Variants in ROBO1 observed in about 807,000 individuals in gnomAD.
The protein encoded by ROBO1 is roundabout guidance receptor 1, also known as roundabout homolog 1.
ROBO1 carries 149 observed loss-of-function variants against 195.9 expected under a neutral mutation model. That is an observed-to-expected ratio of 0.76 (90% CI 0.67 to 0.87). The LOEUF (loss-of-function observed/expected upper bound fraction) is 0.87. Ranked by LOEUF, ROBO1 falls within the 40% of genes least tolerant of loss-of-function variation. ROBO1 has a pLI of 0.00. For synonymous variants in ROBO1, 816 were observed against 733.2 expected (o/e 1.11, Z -1.82); for missense variants, 1,933 against 2,068.3 (o/e 0.93, Z 1.27).
At chr3:79,208,871 C>T (rs1159746865) in intron 2 of ROBO1, among the ~76,000 whole-genome samples, 8 of 151,910 alleles carry the variant, frequency 5.3e-5, no homozygotes, top group Non-Finnish European at 1.0e-4. Context: ...TTCTGCCATA[C>T]TCGGAGGGCA....
At chr3:79,517,518 T>G (rs1941002895) in intron 2 of ROBO1, among the ~76,000 whole-genome samples, 1 of 152,212 alleles carries the variant, frequency 6.6e-6, no homozygotes, top group Non-Finnish European at 1.5e-5. Context: ...TCTTGATTCT[T>G]TTCTTATTTT....
At chr3:79,711,107 C>T (rs1416513731) in intron 1 of ROBO1, among the ~76,000 whole-genome samples, 8 of 152,042 alleles carry the variant, frequency 5.3e-5, no homozygotes, top group Non-Finnish European at 1.2e-4. Context: ...GTTTTATTTA[C>T]TTTAGATAAA....
intron 2 of ROBO1, among the ~76,000 whole-genome samples, chr3:79,327,708 T>C (rs538384986): frequency 6.6e-6 from 1 of 151,792 alleles, no homozygotes; most frequent in African/African-American, 2.4e-5. Context: ...CATTTCACAG[T>C]AAAATGGTAA....
At chr3:79,273,961 T>A (rs373284565) in intron 2 of ROBO1, among the ~76,000 whole-genome samples, 2 of 151,974 alleles carry the variant, frequency 1.3e-5, no homozygotes, top group East Asian at 3.9e-4. Flanking sequence ...AGCAAGAGGA[T>A]ACAACAATTT....
At chr3:79,345,078 GA>G (rs2035059876) in intron 2 of ROBO1, among the ~76,000 whole-genome samples, 1 of 151,994 alleles carries the variant, frequency 6.6e-6, no homozygotes, top group Admixed American at 6.6e-5. Context: ...ATAGCAGTGT[GA>G]AAACGGACTA....
intron 3 of ROBO1, among the ~76,000 whole-genome samples, chr3:79,078,270 A>C (rs1022327991): frequency 1.3e-5 from 2 of 151,828 alleles, no homozygotes; most frequent in Non-Finnish European, 1.5e-5. Flanking sequence ...GAATGGGATT[A>C]AATAATTGAG....
chr3:78,860,184 T>C (rs1290249549), intron 4 of ROBO1, among the ~76,000 whole-genome samples: 7 of 147,706 alleles, frequency 4.7e-5, no homozygotes, highest in Non-Finnish European at 1.0e-4. Flanking sequence ...GATAGATAGA[T>C]GATAGATTGC....
chr3:78,801,199 G>T (rs2084359743), intron 4 of ROBO1, among the ~76,000 whole-genome samples: 1 of 152,112 alleles, frequency 6.6e-6, no homozygotes. Context: ...GTCATAAAAG[G>T]TCATTGATGT....
At chr3:78,810,168 A>G (rs928778881) in intron 4 of ROBO1, among the ~76,000 whole-genome samples, 1 of 152,194 alleles carries the variant, frequency 6.6e-6, no homozygotes, top group Non-Finnish European at 1.5e-5. Flanking sequence ...AAAGCATTCC[A>G]AGCGCCAGCT....
At chr3:79,298,215 A>C (rs2032699072) in intron 2 of ROBO1, among the ~76,000 whole-genome samples, 1 of 152,190 alleles carries the variant, frequency 6.6e-6, no homozygotes, top group Non-Finnish European at 1.5e-5. Context: ...CAGATTATGA[A>C]GAGCAATCTA....
intron 25 of ROBO1, among the ~76,000 whole-genome samples, chr3:78,627,861 A>G (rs570498713): frequency 2.6e-5 from 4 of 152,208 alleles, no homozygotes; most frequent in Admixed American, 6.5e-5. Context: ...TGTATTTGGT[A>G]TATTTTGTCC....
intron 3 of ROBO1, among the ~76,000 whole-genome samples, chr3:78,955,050 TGGGGTTATATAGGTAAACTGTGTGTCATG>T (rs2040973103): frequency 1.3e-5 from 2 of 151,212 alleles, no homozygotes; most frequent in African/African-American, 2.4e-5. Context: ...CTGTGTTCCA[TGGGGTTATATAGGTAAACTGTGTGTCATG>T]GGGGTTATAC....
intron 2 of ROBO1, among the ~76,000 whole-genome samples, chr3:79,560,141 A>AT (rs1025423324): frequency 2.0e-5 from 3 of 152,000 alleles, no homozygotes; most frequent in African/African-American, 7.2e-5. Flanking sequence ...GAGAGAATGA[A>AT]TGTCAGGACC....
intron 2 of ROBO1, among the ~76,000 whole-genome samples, chr3:79,236,733 T>C (rs2082412939): frequency 6.6e-6 from 1 of 152,204 alleles, no homozygotes; most frequent in East Asian, 1.9e-4. Context: ...TTAATCATTG[T>C]TTTTAGTAAC....
intron 2 of ROBO1, among the ~76,000 whole-genome samples, chr3:79,193,920 G>A (rs2081586546): frequency 6.6e-6 from 1 of 151,514 alleles, no homozygotes; most frequent in African/African-American, 2.4e-5. Context: ...AGAAAAAGAG[G>A]TCAAATGTGT....
At chr3:79,739,397 C>T (rs1317055943) in intron 1 of ROBO1, among the ~76,000 whole-genome samples, 1 of 152,156 alleles carries the variant, frequency 6.6e-6, no homozygotes, top group South Asian at 2.1e-4. Context: ...GGAGCTAAAC[C>T]TTTGTATACT....
At position 79,675,285 on chromosome 3, in the gene ROBO1, A is replaced by T. The variant is rs760867696; in HGVS notation, c.-50-85324T>A. Among the ~76,000 whole-genome samples, 71 of 151,958 alleles carry T rather than the reference A, an allele frequency of 4.7e-4. 2 individuals are homozygous for T. Among genetic ancestry groups the T allele is most frequent in the Non-Finnish European group, 9.4e-4 (64 of 67,982 alleles). On this transcript the variant is annotated intron_variant, in intron 1 of 30. Transcript: ENST00000464233. ...TGCTTTGAAATTTTATATACTTATGATTGCATTAGTTTAGTGTTAAATATT... is the reference window on the plus strand; with the variant it reads ...TGCTTTGAAATTTTATATACTTATGTTTGCATTAGTTTAGTGTTAAATATT...
intron 2 of ROBO1, among the ~76,000 whole-genome samples, chr3:79,210,007 G>T (rs2081941975): frequency 6.6e-6 from 1 of 152,026 alleles, no homozygotes; most frequent in Non-Finnish European, 1.5e-5. Flanking sequence ...AACCAAGGAG[G>T]CAAAAGATCT....
At chr3:79,014,133 T>C (rs1226496848) in intron 3 of ROBO1, among the ~76,000 whole-genome samples, 1 of 152,188 alleles carries the variant, frequency 6.6e-6, no homozygotes, top group Non-Finnish European at 1.5e-5. Flanking sequence ...TTTATATAGT[T>C]GTTGAATTTA....
Sources: allele counts gnomAD v4.1 joint callset (sites outside exome capture counted in the v4.1 genomes callset), GRCh38; gene constraint gnomAD v4.1.1; transcripts MANE v1.5; gene names NCBI Gene and HGNC (gene_info 2026-07-23, HGNC 2026-07-21).